POLR1A: variants seen among roughly 807,000 people sequenced by gnomAD.
The protein encoded by POLR1A is RNA polymerase I subunit A.
A neutral mutation model predicts 205.3 loss-of-function variants in POLR1A; 84 were observed. The observed-to-expected ratio is 0.41, with a 90% CI of 0.34 to 0.49. The LOEUF (loss-of-function observed/expected upper bound fraction) is 0.49. Among genes scored for constraint, POLR1A ranks in the 20% least tolerant of loss-of-function variants. The pLI is 0.22. For missense variants in POLR1A, 1,645 were observed against 2,204.5 expected (o/e 0.75, Z 5.08); for synonymous variants, 799 against 863.7 (o/e 0.93, Z 1.31).
chr2:86,104,200 G>C (rs1673874939), intron 1 of POLR1A, among the ~76,000 whole-genome samples: 1 of 152,122 alleles, frequency 6.6e-6, no homozygotes, highest in Admixed American at 6.6e-5. Flanking sequence ...AGGTGTAAGG[G>C]GAGGGTGGAA....
intron 28 of POLR1A, among the ~76,000 whole-genome samples, chr2:86,032,810 A>G (rs530429085): frequency 1.3e-4 from 20 of 152,270 alleles, no homozygotes; most frequent in Admixed American, 9.8e-4. Flanking sequence ...CTTGGCTCCT[A>G]GTTTTTTATA....
intron 25 of POLR1A, chr2:86,040,154 C>A (rs906401484): frequency 2.6e-6 from 1 of 386,286 alleles, no homozygotes; most frequent in Admixed American, 4.3e-5. Context: ...TCCCCAGGAA[C>A]GTGGATGCAG....
chr2:86,033,106 C>T lies in POLR1A; in HGVS notation c.4161+555G>A, dbSNP rs575054129. On this transcript the variant is annotated intron_variant, in intron 28 of 33. Transcript: ENST00000263857. ...TGGCACCCAGGGACCTGCTCCCACACCACCCTCAGGTCTGGCCTGCTCCTG... is the reference window on the plus strand; with the variant it reads ...TGGCACCCAGGGACCTGCTCCCACATCACCCTCAGGTCTGGCCTGCTCCTG... Among the ~76,000 whole-genome samples, 3 of 152,348 alleles carry T rather than the reference C, an allele frequency of 2.0e-5. No homozygotes were observed. The East Asian group carries it at 5.8e-4, about 29-fold the overall frequency.
Position 86,100,134 on chromosome 2 carries a change from A to G in POLR1A, c.116T>C (p.Leu39Pro), listed in dbSNP as rs1211746663. 3.7e-6 allele frequency: 6 copies of G among 1,614,158 alleles called. No individual in the cohort carries two copies. Among genetic ancestry groups the G allele is most frequent in the Non-Finnish European group, 8.5e-7 (1 of 1,179,976 alleles). The change falls in exon 2 of 34, where the codon CTG (leucine) becomes CCG (proline). Residue 39 changes from leucine (L) to proline (P), a missense_variant. Leu to Pro is a moderately conservative substitution (Grantham distance 98). Transcript: ENST00000263857. ...TGCCGATGGGTTCCCCAGGCTGTCC[A>G]GGTATCGAGGGTTCGTAATGGATTT... ...SVKSITNPRY[L>P]DSLGNPSANG...
At chr2:86,078,502 C>T (rs1673338447) in intron 9 of POLR1A, among the ~76,000 whole-genome samples, 1 of 152,204 alleles carries the variant, frequency 6.6e-6, no homozygotes, top group Admixed American at 6.5e-5. Flanking sequence ...ACCAGCCTGT[C>T]TCTTTCTAGT....
At chr2:86,055,876 C>T (rs1226112499) in intron 14 of POLR1A, among the ~76,000 whole-genome samples, 1 of 152,186 alleles carries the variant, frequency 6.6e-6, no homozygotes, top group Non-Finnish European at 1.5e-5. Context: ...AGGACCAAGA[C>T]AAGGATGTCT....
In POLR1A at chr2:86,090,826, G is replaced by C. The variant is rs530182572; in HGVS notation, c.433-897C>G. On this transcript the variant is annotated intron_variant, in intron 3 of 33. Transcript: ENST00000263857. ...AGCTGGGCACAGTGGTGCCTCTGTA[G>C]TCCCAGCTACTCCAGATGCTGAGGC... Among the ~76,000 whole-genome samples the C allele has an allele frequency of 7.9e-5, 12 of 152,344 alleles. No homozygotes were observed. The South Asian group carries it at 2.5e-3, about 32-fold the overall frequency.
Position 86,081,641 on chromosome 2 carries a change from T to G in POLR1A, c.883A>C (p.Ser295Arg). The change falls in exon 8 of 34, where the codon AGT (serine) becomes CGT (arginine). Residue 295 changes from serine to arginine, a missense_variant. Coordinates refer to ENST00000263857, the MANE Select transcript of POLR1A (RefSeq NM_015425.6). ...DDGMESRFNP[S>R]VFFLDFLVVP... ...ACCAAGAAATCTAGAAAGAACACAC[T>G]GGGATTGAATCTGGATTCCATACCA... 1 of 1,611,926 alleles carries G rather than the reference T, an allele frequency of 6.2e-7. No homozygotes were observed. The highest frequency in any genetic ancestry group is 2.2e-5 in the East Asian group (1 of 44,786).
intron 2 of POLR1A, among the ~76,000 whole-genome samples, chr2:86,099,733 C>T (rs774056512): frequency 5.3e-5 from 8 of 152,128 alleles, no homozygotes; most frequent in Non-Finnish European, 1.2e-4. Flanking sequence ...TCCACGCAAA[C>T]GGAATCAGGC....
chr2:86,032,259 C>A lies in POLR1A; in HGVS notation c.4272+13G>T, dbSNP rs367632308. 1.3e-6 allele frequency: 2 copies of A among 1,558,860 alleles called. No individual in the cohort carries two copies. Among genetic ancestry groups the A allele is most frequent in the African/African-American group, 2.7e-5 (2 of 73,754 alleles). ...GGGACCACAGCTCCTTCACCCCACACAGGGTCTCTCACCTCCTCCTCCTGC... is the reference window on the plus strand; with the variant it reads ...GGGACCACAGCTCCTTCACCCCACAAAGGGTCTCTCACCTCCTCCTCCTGC... On this transcript the variant is annotated intron_variant, in intron 29 of 33. Transcript: ENST00000263857.
chr2:86,089,869 T>A lies in POLR1A; in HGVS notation c.493A>T (p.Thr165Ser), dbSNP rs1336231743. Residue 165 changes from threonine (T) to serine (S), a missense_variant, in exon 4 of 34, where the codon ACA becomes TCA. This residue lies in a region of POLR1A where 330 missense variants were observed against 375.6 expected (regional missense o/e 0.88). Transcript: ENST00000263857. The stretch of plus-strand genomic sequence containing the variant: ...AGGTTGTTCTGCACAATTTCAGTTG[T>A]GTATTGTTCTAATTCCTCCCGAATT... Reference protein sequence around the residue: ...SEIREELEQYTTEIVQNNLLG... With the variant: ...SEIREELEQYSTEIVQNNLLG... 6.2e-7 allele frequency: 1 copy of A among 1,613,256 alleles called. No individual in the cohort carries two copies. Among genetic ancestry groups the A allele is most frequent in the East Asian group, 2.2e-5 (1 of 44,874 alleles).
intron 24 of POLR1A, 119 bp from the exon 25 acceptor site, chr2:86,040,678 G>T: frequency 1.3e-6 from 1 of 746,104 alleles, no homozygotes; most frequent in Non-Finnish European, 2.1e-6. Flanking sequence ...TTCTGGACTC[G>T]TTTTTCCTAG....
intron 3 of POLR1A, among the ~76,000 whole-genome samples, chr2:86,093,885 A>G (rs969418251): frequency 2.6e-5 from 4 of 152,196 alleles, no homozygotes; most frequent in Non-Finnish European, 5.9e-5. Flanking sequence ...CATCTGTTAC[A>G]CTTTTTAGTC....
chr2:86,063,335 CAAAAAAAAAAAA>C lies in POLR1A; in HGVS notation c.2058+1927_2058+1938del, dbSNP rs34298205. ...GGGCAGCAAGAGCAAAACTCCATCT[CAAAAAAAAAAAA>C]AAAAAAAAAAAAAAAGAAAGAAAAC... On this transcript the variant is annotated intron_variant, in intron 14 of 33. Coordinates refer to ENST00000263857, the MANE Select transcript of POLR1A (RefSeq NM_015425.6). Among the ~76,000 whole-genome samples, 293 of 41,248 alleles carry C rather than the reference CAAAAAAAAAAAA, an allele frequency of 7.1e-3. 2 individuals carry two copies. The highest frequency in any genetic ancestry group is 0.019 in the African/African-American group (224 of 11,506). 27.1% of individuals were successfully genotyped at this position (41,248 alleles called of 152,430 possible).
chr2:86,078,116 G>T lies in POLR1A; in HGVS notation c.1255C>A (p.Gln419Lys). 6.2e-7 allele frequency: 1 copy of T among 1,612,690 alleles called. No individual in the cohort carries two copies. The highest frequency in any genetic ancestry group is 8.5e-7 in the Non-Finnish European group (1 of 1,179,706). The change falls in exon 10 of 34, where the codon CAG (glutamine) becomes AAG (lysine). Residue 419 changes from glutamine (Q) to lysine (K), a missense_variant and splice_region_variant. Physicochemically the swap from Gln to Lys is moderately conservative, Grantham distance 53. This residue lies in a region of POLR1A where 131 missense variants were observed against 214.5 expected (regional missense o/e 0.61). Coordinates refer to ENST00000263857, the MANE Select transcript of POLR1A (RefSeq NM_015425.6). ...TGGGAATCCAGTTTTTTGCTCACCT[G>T]CCTAATGCCTGGGTACTTGTCCATC... is the stretch of plus-strand genomic sequence containing the variant. ...LMMDKYPGIR[Q>K]ILEKKEGLFR...
At position 86,044,251 on chromosome 2, in the gene POLR1A, C is replaced by T. The variant is rs747914999; in HGVS notation, c.3023G>A (p.Arg1008His). Residue 1008 changes from arginine to histidine, a missense_variant, in exon 22 of 34, where the codon CGT becomes CAT. By Grantham distance (29) the Arg-to-His change is conservative. Transcript: ENST00000263857. ...GLVVQYDLTV[R>H]DSDGSVVQFL... ...CTGCACCACACTGCCGTCACTGTCA[C>T]GGACCGTGAGATCATACTGCACGAC... 4 of 1,614,100 alleles carry T rather than the reference C, an allele frequency of 2.5e-6. No homozygotes were observed. Among genetic ancestry groups the T allele is most frequent in the South Asian group, 2.2e-5 (2 of 91,088 alleles).
Position 86,052,962 on chromosome 2 carries a change from C to T in POLR1A, c.2247G>A (p.Leu749=), listed in dbSNP as rs934270441. The T allele has an allele frequency of 6.2e-6, 10 of 1,604,644 alleles. No homozygotes were observed. Among genetic ancestry groups the T allele is most frequent in the Admixed American group, 1.7e-5 (1 of 58,938 alleles). Reference sequence around the variant, plus strand: ...CGGAGCTCCCATAGTGCGCCTTGTCCAGCACTCCGCAGAGCAGCTCCCCTT... The same window carrying T: ...CGGAGCTCCCATAGTGCGCCTTGTCTAGCACTCCGCAGAGCAGCTCCCCTT... ...IREGELLCGV[L]DKAHYGSSAY... The change falls in exon 16 of 34, where the codon CTG becomes CTA. Residue 749 remains leucine, a synonymous_variant. Transcript: ENST00000263857.
At chr2:86,073,566 T>G (rs1029926937) in intron 12 of POLR1A, among the ~76,000 whole-genome samples, 3 of 152,336 alleles carry the variant, frequency 2.0e-5, no homozygotes, top group Middle Eastern at 3.4e-3. Flanking sequence ...CCACTTGCCC[T>G]GCACATTCCC....
intron 16 of POLR1A, 23 bp from the exon 17 acceptor site, chr2:86,049,265 T>C (rs1361629684): frequency 3.8e-6 from 6 of 1,588,290 alleles, no homozygotes; most frequent in African/African-American, 1.3e-5. Context: ...ACAGACAAGC[T>C]TGTAGGCGAC....
Sources: allele counts gnomAD v4.1 joint callset (sites outside exome capture counted in the v4.1 genomes callset), GRCh38; gene constraint gnomAD v4.1.1; regional missense constraint gnomAD v4.1.1; transcripts MANE v1.5; gene names NCBI Gene and HGNC (gene_info 2026-07-23, HGNC 2026-07-21).